Variants in ANK3 observed in about 807,000 individuals in gnomAD.
ANK3 encodes the protein ankyrin 3.
Under a neutral mutation model 370.9 loss-of-function variants are expected in ANK3, and 57 were observed. The observed-to-expected ratio is 0.15, with a 90% CI of 0.12 to 0.19. The LOEUF (loss-of-function observed/expected upper bound fraction) is 0.19. ANK3 is among the 10% of genes least tolerant of loss of function. The pLI, the probability that ANK3 is intolerant of heterozygous loss-of-function variation, is 1.00. For synonymous variants in ANK3, 1,929 were observed against 1,946.3 expected, an observed-to-expected ratio of 0.99 and a Z score of 0.23; for missense variants, 4,439 against 5,302.1, an observed-to-expected ratio of 0.84 and a Z score of 5.06.
At position 60,085,372 on chromosome 10, in the gene ANK3, A is replaced by C. The variant is rs929586929; in HGVS notation, c.3749-119T>G. On this transcript the variant is annotated intron_variant, in intron 30 of 43. Coordinates refer to ENST00000280772, the MANE Select transcript of ANK3 (RefSeq NM_020987.5). The stretch of plus-strand genomic sequence containing the variant: ...AAACTGGCAAAACTTCAACACCTTC[A>C]GTTTAATAGTGTGTACTAAAGGTAG... The C allele has an allele frequency of 1.4e-5, 9 of 636,718 alleles. No individual in the cohort carries two copies. The African/African-American group carries it at 1.5e-4, about 11-fold the overall frequency. The allele number at this position is 636,718 out of a possible 1,614,324, so 39.4% of individuals were successfully genotyped here.
intron 1 of ANK3, among the ~76,000 whole-genome samples, chr10:60,679,682 T>C (rs2079169370): frequency 6.6e-6 from 1 of 152,030 alleles, no homozygotes; most frequent in Non-Finnish European, 1.5e-5. Context: ...GGAGAAGAAA[T>C]GCAAACCTCG....
chr10:60,455,606 T>C (rs891838872), intron 2 of ANK3, among the ~76,000 whole-genome samples: 3 of 152,182 alleles, frequency 2.0e-5, no homozygotes, highest in African/African-American at 2.4e-5. Context: ...AAATCACTTG[T>C]CTACATCACA....
chr10:60,261,416 A>C lies in ANK3; in HGVS notation c.798+443T>G, dbSNP rs183802196. On this transcript the variant is annotated intron_variant, in intron 7 of 43. Coordinates refer to ENST00000280772, the MANE Select transcript of ANK3 (RefSeq NM_020987.5). ...TTTGTAGGGGACAGAAGATAAAGGC[A>C]AAAGATGGTCTCATTATTTGGATTC... Among the ~76,000 whole-genome samples, 3 of 152,352 alleles carry C rather than the reference A, an allele frequency of 2.0e-5. No homozygotes were observed. In the East Asian group the frequency reaches 5.8e-4, roughly 29 times the overall value.
In ANK3 at chr10:60,071,543, C is replaced by A; in HGVS notation, c.9338G>T (p.Gly3113Val). The change falls in exon 37 of 44, where the codon GGT becomes GTT. Residue 3113 changes from glycine to valine, a missense_variant. Physicochemically the swap from Gly to Val is moderately radical, Grantham distance 109. This residue lies in a region of ANK3 where 1,601 missense variants were observed against 1,731.7 expected (regional missense o/e 0.92). Transcript: ENST00000280772. ...TTCCTGACTTATGATTTTTTTTACACCTCCTTGTTGTATCTCCTTTTCATA... is the reference window on the plus strand; with the variant it reads ...TTCCTGACTTATGATTTTTTTTACAACTCCTTGTTGTATCTCCTTTTCATA... ...KQYEKEIQQGGVKKIISQECK... is the reference protein window; with the variant it reads ...KQYEKEIQQGVVKKIISQECK... 6.2e-7 allele frequency: 1 copy of A among 1,613,976 alleles called. No individual in the cohort carries two copies. The highest frequency in any genetic ancestry group is 1.1e-5 in the South Asian group (1 of 91,074).
intron 1 of ANK3, among the ~76,000 whole-genome samples, chr10:60,659,647 A>T (rs943182242): frequency 1.4e-4 from 22 of 152,108 alleles, no homozygotes; most frequent in African/African-American, 5.3e-4. Flanking sequence ...TCCTTAGTTT[A>T]TCATAAATTT....
intron 2 of ANK3, among the ~76,000 whole-genome samples, chr10:60,469,625 GTA>G (rs36050397): frequency 0.25 from 441 of 1,772 alleles, 172 homozygotes; most frequent in East Asian, 0.39. Context: ...ATATATGGTG[GTA>G]TATATATATA....
chr10:60,430,431 T>G (rs557706759), intron 2 of ANK3, among the ~76,000 whole-genome samples: 1 of 152,258 alleles, frequency 6.6e-6, no homozygotes, highest in South Asian at 2.1e-4. Flanking sequence ...CATCTGTTCA[T>G]CAACTCCAAA....
At chr10:60,294,666 T>A (rs992548111) in intron 1 of ANK3, among the ~76,000 whole-genome samples, 1 of 152,194 alleles carries the variant, frequency 6.6e-6, no homozygotes, top group African/African-American at 2.4e-5. Context: ...GAAGTTCTTA[T>A]TTGAATGTAT....
chr10:60,243,019 T>C (rs2097493840), intron 7 of ANK3, among the ~76,000 whole-genome samples: 2 of 152,206 alleles, frequency 1.3e-5, no homozygotes, highest in South Asian at 4.1e-4. Flanking sequence ...TATATACTTA[T>C]GTCTTACTAT....
intron 11 of ANK3, among the ~76,000 whole-genome samples, chr10:60,205,051 T>C (rs1316068721): frequency 1.3e-5 from 2 of 152,040 alleles, no homozygotes; most frequent in Non-Finnish European, 2.9e-5. Context: ...TGCTAGGATG[T>C]AGTGAGGTGG....
At position 60,076,387 on chromosome 10, in the gene ANK3, A is replaced by G. The variant is rs1468847949; in HGVS notation, c.4494T>C (p.Phe1498=). The change falls in exon 37 of 44, where the codon TTT becomes TTC. Residue 1498 remains phenylalanine (F), a synonymous_variant. Coordinates refer to ENST00000280772, the MANE Select transcript of ANK3 (RefSeq NM_020987.5). ...TCCAGGACTGGTATGGTCTTGTAGA[A>G]AAGAATGGCTTGTATGAGTAAGTGG... is the stretch of plus-strand genomic sequence containing the variant. The part of the protein sequence containing the change: ...LPTTYSYKPF[F]STRPYQSWTT... 1.2e-6 allele frequency: 2 copies of G among 1,613,876 alleles called. No individual in the cohort carries two copies. The highest frequency in any genetic ancestry group is 1.7e-6 in the Non-Finnish European group (2 of 1,179,948).
chr10:60,349,796 T>C (rs2056486439), intron 1 of ANK3, among the ~76,000 whole-genome samples: 1 of 152,180 alleles, frequency 6.6e-6, no homozygotes, highest in Admixed American at 6.5e-5. Context: ...CAAATATTCA[T>C]GGAAGAATAA....
At chr10:60,310,304 A>G (rs1226129905) in intron 1 of ANK3, among the ~76,000 whole-genome samples, 1 of 152,172 alleles carries the variant, frequency 6.6e-6, no homozygotes, top group Non-Finnish European at 1.5e-5. Flanking sequence ...GGAATCTTCA[A>G]TAATTATTTG....
At chr10:60,147,073 G>A (rs1394781799) in intron 23 of ANK3, among the ~76,000 whole-genome samples, 1 of 152,174 alleles carries the variant, frequency 6.6e-6, no homozygotes, top group East Asian at 1.9e-4. Context: ...GCAAGAGCTC[G>A]TGTTAAGTAA....
At position 60,141,561 on chromosome 10, in the gene ANK3, G is replaced by GTTTTTTTTTTTTTT. The variant is rs36033791; in HGVS notation, c.2615-2488_2615-2475dup. Among the ~76,000 whole-genome samples the GTTTTTTTTTTTTTT allele has an allele frequency of 1.6e-4, 8 of 49,030 alleles. 1 individual carries two copies. The highest frequency in any genetic ancestry group is 6.5e-4 in the African/African-American group (7 of 10,754). The allele number at this position is 49,030 out of a possible 152,430, so 32.2% of individuals were successfully genotyped here. ...CACTGGAGAGGCCATTTCAATTGCT[G>GTTTTTTTTTTTTTT]TTTTTTTTTTTTTTTTTTTTTTTTT... On this transcript the variant is annotated intron_variant, in intron 23 of 43. Coordinates refer to ENST00000280772, the MANE Select transcript of ANK3 (RefSeq NM_020987.5).
At chr10:60,054,659 T>C (rs4359155) in intron 42 of ANK3, among the ~76,000 whole-genome samples, 68,773 of 152,098 alleles carry the variant, frequency 0.45, 17,958 homozygotes, top group African/African-American at 0.71. Flanking sequence ...TCCTGAGCGA[T>C]TGAGTTTGCT....
At chr10:60,291,240 A>T (rs1484959725) in intron 1 of ANK3, among the ~76,000 whole-genome samples, 1 of 152,096 alleles carries the variant, frequency 6.6e-6, no homozygotes. Context: ...ATAAAGTAAG[A>T]TCTTAAAAAG....
chr10:60,440,949 T>C (rs1003316793), intron 2 of ANK3, among the ~76,000 whole-genome samples: 3 of 152,196 alleles, frequency 2.0e-5, no homozygotes, highest in Non-Finnish European at 4.4e-5. Context: ...TTTAAAATAC[T>C]GAGTTTGAGG....
At chr10:60,262,087 T>C (rs2097815544) in intron 6 of ANK3, 130 bp from the exon 7 acceptor site, 25 of 714,974 alleles carry the variant, frequency 3.5e-5, no homozygotes, top group Non-Finnish European at 5.8e-5. Flanking sequence ...CATTCTGTAC[T>C]AGGTTTCGAT....
Sources: gnomAD v4.1 joint callset for allele counts (sites outside exome capture counted in the v4.1 genomes callset) on GRCh38, gnomAD v4.1.1 for gene constraint, gnomAD v4.1.1 regional missense constraint, MANE v1.5 for transcripts, NCBI Gene and HGNC (gene_info 2026-07-23, HGNC 2026-07-21) for gene names.